The following ZFHX3 variants were observed in gnomAD, a reference collection of about 807,000 sequenced individuals.
ZFHX3 encodes the protein zinc finger homeobox 3, also known as zinc finger homeobox protein 3.
ZFHX3 carries 42 observed loss-of-function variants against 279.1 expected under a neutral mutation model. The ratio of observed to expected loss-of-function variants is 0.15; its 90% CI spans 0.12 to 0.19. The LOEUF (loss-of-function observed/expected upper bound fraction) is 0.19, where lower values mean the gene tolerates loss of function less well. Ranked by LOEUF, ZFHX3 falls within the 10% of genes least tolerant of loss-of-function variation. ZFHX3 has a pLI of 1.00. For missense variants in ZFHX3, 4,981 were observed against 4,754.0 expected (o/e 1.05, Z -1.40); for synonymous variants, 2,293 against 1,957.8 (o/e 1.17, Z -4.52).
intron 4 of ZFHX3, among the ~76,000 whole-genome samples, chr16:73,288,646 C>T (rs1224825580): frequency 1.3e-5 from 2 of 152,116 alleles, no homozygotes; most frequent in African/African-American, 4.8e-5. Context: ...ATTTGTCGCC[C>T]CCAAACTCAG....
intron 5 of ZFHX3, among the ~76,000 whole-genome samples, chr16:73,237,217 C>T (rs966833100): frequency 6.6e-6 from 1 of 152,084 alleles, no homozygotes; most frequent in Admixed American, 6.6e-5. Context: ...TAAAAAACAT[C>T]CTCTTTAGAA....
At chr16:73,398,273 T>C (rs1264728042) in intron 3 of ZFHX3, among the ~76,000 whole-genome samples, 1 of 152,172 alleles carries the variant, frequency 6.6e-6, no homozygotes, top group Non-Finnish European at 1.5e-5. Flanking sequence ...CAGACCTAGA[T>C]GTGTCCTCTT....
chr16:72,876,324 G>A (rs2038311604), intron 4 of ZFHX3, among the ~76,000 whole-genome samples: 1 of 152,126 alleles, frequency 6.6e-6, no homozygotes, highest in South Asian at 2.1e-4. Context: ...GATGGAATAA[G>A]CCCACAGTCA....
chr16:73,854,604 G>A (rs1451821534), intron 1 of ZFHX3, among the ~76,000 whole-genome samples: 1 of 151,482 alleles, frequency 6.6e-6, no homozygotes, highest in Non-Finnish European at 1.5e-5. Flanking sequence ...ATTAGACTAT[G>A]AATTGACTTT....
At chr16:72,974,568 AACAC>A (rs59350988) in intron 1 of ZFHX3, among the ~76,000 whole-genome samples, 80,038 of 148,128 alleles carry the variant, frequency 0.54, 22,537 homozygotes, top group Non-Finnish European at 0.65. Flanking sequence ...CTGATAGGGC[AACAC>A]ACACACACAC....
intron 5 of ZFHX3, among the ~76,000 whole-genome samples, chr16:73,254,677 TATG>T (rs935903041): frequency 8.5e-5 from 13 of 152,188 alleles, no homozygotes; most frequent in African/African-American, 3.1e-4. Flanking sequence ...AACCAGTTTA[TATG>T]ATTTTATGCA....
At chr16:73,667,255 G>C (rs961327982) in intron 2 of ZFHX3, among the ~76,000 whole-genome samples, 2 of 152,170 alleles carry the variant, frequency 1.3e-5, no homozygotes, top group African/African-American at 4.8e-5. Context: ...CTCCCAAAGG[G>C]CTGTGATTAC....
chr16:73,080,052 G>C (rs1965927193), intron 8 of ZFHX3, among the ~76,000 whole-genome samples: 1 of 152,044 alleles, frequency 6.6e-6, no homozygotes, highest in African/African-American at 2.4e-5. Context: ...TTTTTCACAG[G>C]CTCTGCCTCT....
chr16:73,542,789 C>A (rs2020041738), intron 2 of ZFHX3, among the ~76,000 whole-genome samples: 1 of 151,660 alleles, frequency 6.6e-6, no homozygotes, highest in Admixed American at 6.6e-5. Context: ...AAAAAAATAT[C>A]ATGTATCTGA....
At chr16:73,878,781 T>C (rs551552882) in intron 1 of ZFHX3, among the ~76,000 whole-genome samples, 119 of 151,960 alleles carry the variant, frequency 7.8e-4, no homozygotes, top group African/African-American at 2.5e-3. Context: ...TAAGTCTTAT[T>C]GGTTCAAGGA....
At chr16:73,680,846 TG>T (rs2053002996) in intron 1 of ZFHX3, among the ~76,000 whole-genome samples, 1 of 152,278 alleles carries the variant, frequency 6.6e-6, no homozygotes, top group African/African-American at 2.4e-5. Context: ...TGCGTGTGAG[TG>T]GGGTAAGTGC....
chr16:72,877,217 G>C (rs2038336431), intron 4 of ZFHX3, among the ~76,000 whole-genome samples: 1 of 152,286 alleles, frequency 6.6e-6, no homozygotes, highest in South Asian at 2.1e-4. Context: ...TGCAGAATTC[G>C]ATCAGGCCTG....
rs557530970 is a variant in ZFHX3, at chr16:73,684,356, A to G, written c.-1607-4116T>C. Among the ~76,000 whole-genome samples, 25 of 148,350 alleles carry G rather than the reference A, an allele frequency of 1.7e-4. No homozygotes were observed. The East Asian group carries it at 3.7e-3, about 22-fold the overall frequency. ...TGTGTTTGTGTGTGTGTGTGTGTGTATGTGTGTAATGACATGAACTTTAGG... is the reference window on the plus strand; with the variant it reads ...TGTGTTTGTGTGTGTGTGTGTGTGTGTGTGTGTAATGACATGAACTTTAGG... On this transcript the variant is annotated intron_variant, in intron 1 of 17. Transcript: ENST00000641206.
chr16:72,908,977 T>G (rs1049722470), intron 3 of ZFHX3, among the ~76,000 whole-genome samples: 3 of 152,232 alleles, frequency 2.0e-5, no homozygotes, highest in African/African-American at 7.2e-5. Context: ...CGAAAGCTAC[T>G]CAGTCTGCTG....
chr16:73,208,776 A>G (rs1328410845), intron 5 of ZFHX3, among the ~76,000 whole-genome samples: 1 of 152,230 alleles, frequency 6.6e-6, no homozygotes, highest in East Asian at 1.9e-4. Flanking sequence ...ATAATAGGAA[A>G]TAATGAATAA....
At chr16:72,950,348 C>G in intron 3 of ZFHX3, 121 bp downstream of exon 3, 4 of 1,472,988 alleles carry the variant, frequency 2.7e-6, no homozygotes, top group Middle Eastern at 2.5e-4. Context: ...AGGTTCCCAA[C>G]CAACAGCCAA....
At chr16:73,648,584 G>T (rs919714519) in intron 2 of ZFHX3, among the ~76,000 whole-genome samples, 2 of 151,848 alleles carry the variant, frequency 1.3e-5, no homozygotes, top group Non-Finnish European at 2.9e-5. Flanking sequence ...GTTTTGTTTT[G>T]TTTTTTTAGT....
chr16:73,798,355 G>A (rs952228281), intron 1 of ZFHX3, among the ~76,000 whole-genome samples: 2 of 151,744 alleles, frequency 1.3e-5, no homozygotes, highest in African/African-American at 4.8e-5. Flanking sequence ...TGAGGGCATG[G>A]GTGAGAAGTT....
intron 3 of ZFHX3, among the ~76,000 whole-genome samples, chr16:73,380,728 G>A (rs77236535): frequency 9.2e-5 from 14 of 152,320 alleles, no homozygotes; most frequent in African/African-American, 2.9e-4. Flanking sequence ...GAGTGGCCAG[G>A]TGCAGGGACT....
Sources: allele counts gnomAD v4.1 joint callset (sites outside exome capture counted in the v4.1 genomes callset), GRCh38; gene constraint gnomAD v4.1.1; transcripts MANE v1.5; gene names NCBI Gene and HGNC (gene_info 2026-07-23, HGNC 2026-07-21).